The following DLGAP1 variants were observed in gnomAD, a reference collection of about 807,000 sequenced individuals.
The protein encoded by DLGAP1 is DLG associated protein 1.
A neutral mutation model predicts 90.8 loss-of-function variants in DLGAP1; 11 were observed. That is an observed-to-expected ratio of 0.12 (90% confidence interval 0.08 to 0.20). DLGAP1 has a LOEUF of 0.20. Among genes scored for constraint, DLGAP1 ranks in the 10% least tolerant of loss-of-function variants. The pLI, the probability that DLGAP1 is intolerant of heterozygous loss-of-function variation, is 1.00. For synonymous variants in DLGAP1, 558 were observed against 540.7 expected, an observed-to-expected ratio of 1.03 and a Z score of -0.44; for missense variants, 1,050 against 1,333.8, an observed-to-expected ratio of 0.79 and a Z score of 3.31.
intron 1 of DLGAP1, among the ~76,000 whole-genome samples, chr18:4,197,163 ACT>A (rs2077513448): frequency 1.4e-5 from 2 of 148,074 alleles, no homozygotes; most frequent in Non-Finnish European, 3.0e-5. Flanking sequence ...CAGGAGCGAA[ACT>A]CTGTCTCAAA....
At chr18:3,568,850 C>T (rs749100779) in intron 8 of DLGAP1, among the ~76,000 whole-genome samples, 10 of 151,978 alleles carry the variant, frequency 6.6e-5, no homozygotes, top group Non-Finnish European at 1.0e-4. Flanking sequence ...CCACGCCTGG[C>T]TAATTTTTTA....
intron 5 of DLGAP1, among the ~76,000 whole-genome samples, chr18:3,764,796 C>T (rs2064141271): frequency 6.6e-6 from 1 of 152,156 alleles, no homozygotes; most frequent in Admixed American, 6.5e-5. Context: ...TGGGTTCCTT[C>T]AGATGGAAAC....
intron 3 of DLGAP1, among the ~76,000 whole-genome samples, chr18:3,911,944 A>G (rs536489698): frequency 6.6e-6 from 1 of 152,238 alleles, no homozygotes; most frequent in South Asian, 2.1e-4. Flanking sequence ...GGCCCACAGC[A>G]GCAGCATCAC....
chr18:4,090,950 G>A (rs921940339), intron 2 of DLGAP1, among the ~76,000 whole-genome samples: 1 of 152,212 alleles, frequency 6.6e-6, no homozygotes, highest in Non-Finnish European at 1.5e-5. Flanking sequence ...CAGGGACATG[G>A]ATGGAGCTGG....
At chr18:3,755,167 A>T (rs1403048516) in intron 5 of DLGAP1, among the ~76,000 whole-genome samples, 1 of 152,078 alleles carries the variant, frequency 6.6e-6, no homozygotes, top group Non-Finnish European at 1.5e-5. Context: ...AAACCAAAGG[A>T]TTTTTTCACT....
At chr18:3,922,902 C>G (rs1046027175) in intron 3 of DLGAP1, among the ~76,000 whole-genome samples, 2 of 151,862 alleles carry the variant, frequency 1.3e-5, no homozygotes, top group African/African-American at 4.8e-5. Context: ...GGAGGCTGAG[C>G]GGGGAGGATC....
At chr18:4,411,882 G>T (rs1300181181) in intron 1 of DLGAP1, among the ~76,000 whole-genome samples, 1 of 152,110 alleles carries the variant, frequency 6.6e-6, no homozygotes, top group Non-Finnish European at 1.5e-5. Flanking sequence ...TTGGAAGTCC[G>T]AGAACATAAC....
intron 1 of DLGAP1, among the ~76,000 whole-genome samples, chr18:4,408,477 C>A (rs2082710868): frequency 6.6e-6 from 1 of 150,470 alleles, no homozygotes; most frequent in African/African-American, 2.4e-5. Flanking sequence ...AACAGAAAAC[C>A]AAAAAAGAAT....
At chr18:3,710,544 A>G (rs1749682692) in intron 7 of DLGAP1, among the ~76,000 whole-genome samples, 1 of 152,266 alleles carries the variant, frequency 6.6e-6, no homozygotes, top group South Asian at 2.1e-4. Flanking sequence ...AGGAAAGCAC[A>G]GCCCTCTTTT....
chr18:3,718,304 C>G (rs1284014214), intron 7 of DLGAP1, among the ~76,000 whole-genome samples: 1 of 151,654 alleles, frequency 6.6e-6, no homozygotes, highest in Non-Finnish European at 1.5e-5. Context: ...ATTAAAAATA[C>G]AAAAATTAGC....
intron 6 of DLGAP1, among the ~76,000 whole-genome samples, chr18:3,735,021 A>T (rs2062583299): frequency 6.6e-6 from 1 of 152,084 alleles, no homozygotes; most frequent in African/African-American, 2.4e-5. Context: ...GCATTTTGTT[A>T]CTTTGTGTTA....
rs1599054007 is a variant in DLGAP1, at chr18:3,524,251, G to GGA, written c.2479+9942_2479+9943insTC. ...CATCACACCACTGCACTCCAGCCTT[G>GGA]GTGACAAAGTGAGACCTTGTTTCAA... On this transcript the variant is annotated intron_variant, in intron 10 of 12. Transcript: ENST00000315677. Among the ~76,000 whole-genome samples, 6 of 151,782 alleles carry GGA rather than the reference G, an allele frequency of 4.0e-5. No individual in the cohort carries two copies. In the East Asian group the frequency reaches 1.2e-3, roughly 29 times the overall value.
intron 2 of DLGAP1, among the ~76,000 whole-genome samples, chr18:4,107,070 G>A (rs1171662403): frequency 6.6e-6 from 1 of 152,144 alleles, no homozygotes; most frequent in African/African-American, 2.4e-5. Flanking sequence ...AAAGCCACGC[G>A]GCTTAATAAA....
In DLGAP1 at chr18:4,056,362, C is replaced by T. The variant is rs559773691; in HGVS notation, c.-158-51161G>A. ...TTCATACTTCTGATGTGCTTAGTCA[C>T]TGGCCAGAAGCGGCCTGGGGAAAAC... is the stretch of plus-strand genomic sequence containing the variant. On this transcript the variant is annotated intron_variant, in intron 2 of 12. Transcript: ENST00000315677. Among the ~76,000 whole-genome samples, 15 of 152,334 alleles carry T rather than the reference C, an allele frequency of 9.8e-5. No homozygotes were observed. The South Asian group carries it at 2.7e-3, about 27-fold the overall frequency.
rs1435508617 is a variant in DLGAP1 at position 3,496,220 on chromosome 18, A to T, written c.*2965T>A. The T allele has an allele frequency of 3.3e-5, 5 of 152,156 alleles. No individual in the cohort carries two copies. Among genetic ancestry groups the T allele is most frequent in the Admixed American group, 1.3e-4 (2 of 15,272 alleles). The allele number at this position is 152,156 out of a possible 1,614,324, so 9.4% of individuals were successfully genotyped here. A position where few individuals can be genotyped will look rare whatever the true frequency, so the allele number is the denominator to read the frequency against. On this transcript the variant is annotated 3_prime_UTR_variant, in exon 13 of 13. Coordinates refer to ENST00000315677, the MANE Select transcript of DLGAP1 (RefSeq NM_004746.4). ...CAAATGAATCTTTTTTTTCCAAACC[A>T]AAATAATTTTTAAAAATTACATTTG...
At chr18:4,249,767 C>T (rs1369171871) in intron 1 of DLGAP1, among the ~76,000 whole-genome samples, 1 of 152,042 alleles carries the variant, frequency 6.6e-6, no homozygotes. Flanking sequence ...ATTTTGCTTT[C>T]TGTAGAGACG....
chr18:3,623,897 C>A (rs1027376327), intron 7 of DLGAP1, among the ~76,000 whole-genome samples: 24 of 152,074 alleles, frequency 1.6e-4, no homozygotes, highest in Admixed American at 1.5e-3. Context: ...GGTCCCCGTG[C>A]GGATGCCCGT....
chr18:3,789,522 A>AG (rs1198085720), intron 5 of DLGAP1, among the ~76,000 whole-genome samples: 2 of 151,112 alleles, frequency 1.3e-5, no homozygotes, highest in African/African-American at 4.9e-5. Context: ...TTGGATAAGA[A>AG]GAGGCAGTGA....
intron 1 of DLGAP1, among the ~76,000 whole-genome samples, chr18:4,369,191 G>A (rs1429034486): frequency 6.6e-6 from 1 of 152,182 alleles, no homozygotes; most frequent in Non-Finnish European, 1.5e-5. Context: ...TTTCCTAGGT[G>A]TATGTTCCTT....
Sources: allele counts gnomAD v4.1 joint callset (sites outside exome capture counted in the v4.1 genomes callset), GRCh38; gene constraint gnomAD v4.1.1; transcripts MANE v1.5; gene names NCBI Gene and HGNC (gene_info 2026-07-23, HGNC 2026-07-21).